Variants in TNS3 observed in about 807,000 individuals in gnomAD.
TNS3 encodes the protein tensin 3, also known as tensin-3.
In TNS3, 45 loss-of-function variants were observed where a neutral mutation model predicts 140.9. The ratio of observed to expected loss-of-function variants is 0.32; its 90% CI spans 0.25 to 0.41. The LOEUF is 0.41. Among genes scored for constraint, TNS3 ranks in the 10% least tolerant of loss-of-function variants. The pLI is 1.00. For missense variants in TNS3, 1,716 were observed against 1,906.7 expected (o/e 0.90, Z 1.86); for synonymous variants, 815 against 788.4 (o/e 1.03, Z -0.56).
At chr7:47,581,046 G>C (rs1366540175) in intron 1 of TNS3, among the ~76,000 whole-genome samples, 1 of 152,136 alleles carries the variant, frequency 6.6e-6, no homozygotes, top group African/African-American at 2.4e-5. Flanking sequence ...CCCACACCCT[G>C]ATGGCGCTTT....
At chr7:47,466,773 T>C (rs938603132) in intron 4 of TNS3, among the ~76,000 whole-genome samples, 1 of 152,226 alleles carries the variant, frequency 6.6e-6, no homozygotes, top group African/African-American at 2.4e-5. Flanking sequence ...GACAGTCATT[T>C]ATTAGGAGTT....
chr7:47,479,344 G>C (rs895655103), intron 4 of TNS3, among the ~76,000 whole-genome samples: 1 of 152,220 alleles, frequency 6.6e-6, no homozygotes, highest in Non-Finnish European at 1.5e-5. Flanking sequence ...CTCGGGACAG[G>C]CACACAGCTC....
chr7:47,518,531 G>A (rs538843679), intron 2 of TNS3, among the ~76,000 whole-genome samples: 2 of 151,990 alleles, frequency 1.3e-5, no homozygotes, highest in Non-Finnish European at 2.9e-5. Flanking sequence ...TTCTTTTCTC[G>A]AAAAATAATC....
At chr7:47,363,009 CCATCATCAGGGTCATCACCAT>C (rs1562638661) in intron 17 of TNS3, among the ~76,000 whole-genome samples, 9 of 148,552 alleles carry the variant, frequency 6.1e-5, no homozygotes, top group South Asian at 2.1e-4. Flanking sequence ...ACAGTCATCA[CCATCATCAGGGTCATCACCAT>C]CACCATCAAC....
chr7:47,458,433 G>C (rs2960226), intron 4 of TNS3, among the ~76,000 whole-genome samples: 2,525 of 152,354 alleles, frequency 0.017, 27 homozygotes, highest in Non-Finnish European at 0.026. Context: ...ATTTAGAACA[G>C]CTGTGCCTCC....
intron 20 of TNS3, among the ~76,000 whole-genome samples, chr7:47,330,814 G>A (rs1325604631): frequency 2.0e-5 from 3 of 152,014 alleles, no homozygotes; most frequent in Admixed American, 6.5e-5. Flanking sequence ...CCTCCATAGG[G>A]GGCACGTCCT....
rs1784874070 is a variant in TNS3 at position 47,276,473 on chromosome 7, G to A, written c.*1603C>T. 1 of 152,268 alleles carries A rather than the reference G, an allele frequency of 6.6e-6. No homozygotes were observed. Among genetic ancestry groups the A allele is most frequent in the Non-Finnish European group, 1.5e-5 (1 of 68,122 alleles). 9.4% of individuals were successfully genotyped at this position (152,268 alleles called of 1,614,324 possible). ...CCTGACAGGAGCTTGTGACACCAGTGTGGCCTAAGAATGGGGGATTTGACT... is the reference window on the plus strand; with the variant it reads ...CCTGACAGGAGCTTGTGACACCAGTATGGCCTAAGAATGGGGGATTTGACT... On this transcript the variant is annotated 3_prime_UTR_variant, in exon 31 of 31. Coordinates refer to ENST00000311160, the MANE Select transcript of TNS3 (RefSeq NM_022748.12).
chr7:47,314,944 G>A (rs2150795005), intron 20 of TNS3, among the ~76,000 whole-genome samples: 1 of 152,354 alleles, frequency 6.6e-6, no homozygotes, highest in Non-Finnish European at 1.5e-5. Flanking sequence ...ACTACATGGA[G>A]GGTTTTCCGG....
In TNS3 at chr7:47,368,488, T is replaced by C. The variant is rs755592495; in HGVS notation, c.2158A>G (p.Met720Val). 7.5e-6 allele frequency: 12 copies of C among 1,594,126 alleles called. No individual in the cohort carries two copies. Among genetic ancestry groups the C allele is most frequent in the Middle Eastern group, 3.3e-4 (2 of 6,024 alleles). ...TTGGCCTGGCTACCGAGGGCGTTCATGTGGGTAGGGATGGGCTCGAAGGTG... is the reference window on the plus strand; with the variant it reads ...TTGGCCTGGCTACCGAGGGCGTTCACGTGGGTAGGGATGGGCTCGAAGGTG... The part of the protein sequence containing the change: ...DPTFEPIPTH[M>V]NALGSQANGS... The change falls in exon 17 of 31, where the codon ATG becomes GTG. Residue 720 changes from methionine (M) to valine (V), a missense_variant. Met to Val is a conservative substitution (Grantham distance 21, BLOSUM62 1). Transcript: ENST00000311160.
intron 1 of TNS3, among the ~76,000 whole-genome samples, chr7:47,544,743 G>A (rs1248249932): frequency 5.3e-5 from 8 of 152,014 alleles, no homozygotes; most frequent in Admixed American, 1.3e-4. Context: ...ACCCAGGCAC[G>A]GATCAGTAGG....
intron 20 of TNS3, among the ~76,000 whole-genome samples, chr7:47,309,827 T>C (rs1584370445): frequency 6.6e-6 from 1 of 152,242 alleles, no homozygotes. Context: ...AGAGAGAGCA[T>C]GTTAATTTTC....
At chr7:47,560,476 T>A (rs1800299877) in intron 1 of TNS3, among the ~76,000 whole-genome samples, 1 of 152,214 alleles carries the variant, frequency 6.6e-6, no homozygotes, top group Non-Finnish European at 1.5e-5. Context: ...GGTGTTTTCA[T>A]GTCTTCCATA....
chr7:47,440,393 C>T (rs1795408179), intron 5 of TNS3, among the ~76,000 whole-genome samples: 1 of 152,158 alleles, frequency 6.6e-6, no homozygotes, highest in Non-Finnish European at 1.5e-5. Flanking sequence ...TAGCCACAGG[C>T]CAGGTGGATG....
intron 4 of TNS3, among the ~76,000 whole-genome samples, chr7:47,445,988 T>C (rs1178311086): frequency 6.6e-6 from 1 of 152,264 alleles, no homozygotes; most frequent in Non-Finnish European, 1.5e-5. Flanking sequence ...CTATAGGTTA[T>C]ATTAAACCTG....
intron 1 of TNS3, among the ~76,000 whole-genome samples, chr7:47,573,746 G>C (rs570875681): frequency 5.9e-5 from 9 of 152,142 alleles, no homozygotes; most frequent in Admixed American, 5.9e-4. Context: ...TAATCCAGAG[G>C]AGAAACATTA....
At chr7:47,422,179 G>A (rs1385063345) in intron 10 of TNS3, among the ~76,000 whole-genome samples, 2 of 152,194 alleles carry the variant, frequency 1.3e-5, no homozygotes, top group South Asian at 2.1e-4. Context: ...AGAGCAAGGA[G>A]TAAGGGGCAT....
intron 4 of TNS3, among the ~76,000 whole-genome samples, chr7:47,472,460 C>A (rs972611161): frequency 1.3e-5 from 2 of 152,192 alleles, no homozygotes; most frequent in African/African-American, 4.8e-5. Flanking sequence ...CTGGTACTCA[C>A]TGTGTGTGCC....
chr7:47,300,894 T>C (rs1477054563), intron 23 of TNS3, among the ~76,000 whole-genome samples: 1 of 152,178 alleles, frequency 6.6e-6, no homozygotes, highest in South Asian at 2.1e-4. Flanking sequence ...TTCAGGGAAA[T>C]GAAGGTCTTT....
At chr7:47,387,179 C>T (rs1792123202) in intron 16 of TNS3, among the ~76,000 whole-genome samples, 1 of 152,228 alleles carries the variant, frequency 6.6e-6, no homozygotes, top group South Asian at 2.1e-4. Context: ...CTTTCAATAG[C>T]AGAACTTGAT....
Sources: gnomAD v4.1 joint callset for allele counts (sites outside exome capture counted in the v4.1 genomes callset) on GRCh38, gnomAD v4.1.1 for gene constraint, MANE v1.5 for transcripts, NCBI Gene and HGNC (gene_info 2026-07-23, HGNC 2026-07-21) for gene names.